The following PTPRT variants were observed in gnomAD, a reference collection of about 807,000 sequenced individuals.
PTPRT encodes receptor-type tyrosine-protein phosphatase T.
Under a neutral mutation model 176.8 loss-of-function variants are expected in PTPRT, and 56 were observed. The ratio of observed to expected loss-of-function variants is 0.32; its 90% CI spans 0.26 to 0.40. The LOEUF is 0.40. PTPRT is among the 10% of genes least tolerant of loss of function. PTPRT has a pLI of 1.00. For synonymous variants in PTPRT, 783 were observed against 739.0 expected, an observed-to-expected ratio of 1.06 and a Z score of -0.96; for missense variants, 1,540 against 1,908.2, an observed-to-expected ratio of 0.81 and a Z score of 3.60.
At chr20:42,617,107 C>A (rs1439470217) in intron 7 of PTPRT, among the ~76,000 whole-genome samples, 1 of 137,204 alleles carries the variant, frequency 7.3e-6, no homozygotes, top group East Asian at 2.0e-4. Context: ...TTTTGAAATA[C>A]CTCCCATCAA....
rs148500801 is a variant in PTPRT at position 42,495,288 on chromosome 20, T to C, written c.1154-22726A>G. ...TCTTAGGTCACTGGGTAAGCTGTGG[T>C]AGGTTCAGCACTTTAACTGGGCACC... is the stretch of plus-strand genomic sequence containing the variant. On this transcript the variant is annotated intron_variant, in intron 7 of 30. Transcript: ENST00000373187. 3.2e-4 allele frequency among the ~76,000 whole-genome samples: 49 copies of C among 152,302 alleles called. 2 individuals are homozygous for C. In the East Asian group the frequency reaches 9.1e-3, roughly 28 times the overall value.
chr20:42,983,927 T>C (rs1983418555), intron 1 of PTPRT, among the ~76,000 whole-genome samples: 1 of 152,188 alleles, frequency 6.6e-6, no homozygotes, highest in Non-Finnish European at 1.5e-5. Flanking sequence ...CAACACACAT[T>C]CTTCCAATCA....
At chr20:42,235,663 T>G (rs996839425) in intron 15 of PTPRT, among the ~76,000 whole-genome samples, 2 of 152,104 alleles carry the variant, frequency 1.3e-5, no homozygotes, top group African/African-American at 4.8e-5. Context: ...ACTGATAATA[T>G]GAGATAAATA....
chr20:42,714,588 G>GCCAAACTTTGGCACT (rs2076195371), intron 6 of PTPRT, among the ~76,000 whole-genome samples: 1 of 152,144 alleles, frequency 6.6e-6, no homozygotes, highest in Admixed American at 6.6e-5. Flanking sequence ...ACTTAACTTG[G>GCCAAACTTTGGCACT]TATCCTGCCA....
intron 7 of PTPRT, among the ~76,000 whole-genome samples, chr20:42,553,419 T>A (rs2145622180): frequency 6.6e-6 from 1 of 152,174 alleles, no homozygotes; most frequent in East Asian, 1.9e-4. Flanking sequence ...TACTGACCAT[T>A]TTTCTTTTCT....
intron 2 of PTPRT, among the ~76,000 whole-genome samples, chr20:42,800,289 C>T (rs2145581863): frequency 6.6e-6 from 1 of 152,230 alleles, no homozygotes; most frequent in African/African-American, 2.4e-5. Flanking sequence ...CACATGTGGG[C>T]ACGTTGTGTT....
chr20:42,429,009 C>T (rs1256159206), intron 9 of PTPRT, among the ~76,000 whole-genome samples: 1 of 152,094 alleles, frequency 6.6e-6, no homozygotes, highest in Non-Finnish European at 1.5e-5. Flanking sequence ...TTAATTTCAC[C>T]ATCATTTATT....
Position 42,072,871 on chromosome 20 carries a change from G to A in PTPRT, c.*8008C>T, listed in dbSNP as rs765586695. 4.5e-6 allele frequency: 1 copy of A among 220,802 alleles called. No homozygotes were observed. The highest frequency in any genetic ancestry group is 9.1e-6 in the Non-Finnish European group (1 of 110,162). The allele number at this position is 220,802 out of a possible 1,614,324, so 13.7% of individuals were successfully genotyped here. On this transcript the variant is annotated 3_prime_UTR_variant, in exon 31 of 31. Transcript: ENST00000373187. ...GAATAAATAAGATGGACTTGCAGGT[G>A]TAAAAAGATTACACTTCACTGTAAT... is the stretch of plus-strand genomic sequence containing the variant.
At chr20:42,507,624 G>T (rs1015351727) in intron 7 of PTPRT, among the ~76,000 whole-genome samples, 2 of 152,120 alleles carry the variant, frequency 1.3e-5, no homozygotes, top group Non-Finnish European at 2.9e-5. Flanking sequence ...ACAGCACAAT[G>T]CTTGGCCAGC....
intron 8 of PTPRT, among the ~76,000 whole-genome samples, chr20:42,467,528 T>C (rs62204866): frequency 6.6e-6 from 1 of 152,230 alleles, no homozygotes; most frequent in Non-Finnish European, 1.5e-5. Flanking sequence ...GTATATTACA[T>C]GATTTTAAAA....
In PTPRT at chr20:42,687,582, GTC is replaced by G. The variant is rs1255872929; in HGVS notation, c.860-9425_860-9424del. ...AGTCCTCAGAAAGCATGAATCAAGAGTCTGTCACCTCCAAAGGAGGGGCTAGG... is the reference window on the plus strand; with the variant it reads ...AGTCCTCAGAAAGCATGAATCAAGAGTGTCACCTCCAAAGGAGGGGCTAGG... On this transcript the variant is annotated intron_variant, in intron 6 of 30. Transcript: ENST00000373187. 4 of 152,310 alleles carry G rather than the reference GTC, an allele frequency of 2.6e-5. No individual in the cohort carries two copies. In the East Asian group the frequency reaches 7.7e-4, roughly 29 times the overall value. 9.4% of individuals were successfully genotyped at this position (152,310 alleles called of 1,614,324 possible). A position where few individuals can be genotyped will look rare whatever the true frequency, so the allele number is the denominator to read the frequency against.
At chr20:42,760,387 T>C in intron 5 of PTPRT, among the ~76,000 whole-genome samples, 1 of 144,846 alleles carries the variant, frequency 6.9e-6, no homozygotes, top group Non-Finnish European at 1.5e-5. Context: ...CTGCTTTTTT[T>C]TTTTTTTTTT....
chr20:42,360,679 G>A (rs1187332094), intron 9 of PTPRT, among the ~76,000 whole-genome samples: 1 of 152,154 alleles, frequency 6.6e-6, no homozygotes, highest in East Asian at 1.9e-4. Flanking sequence ...GCTGATTTCT[G>A]TTCTGCTAAG....
At chr20:42,544,387 T>A (rs1219775931) in intron 7 of PTPRT, among the ~76,000 whole-genome samples, 1 of 152,220 alleles carries the variant, frequency 6.6e-6, no homozygotes, top group Non-Finnish European at 1.5e-5. Flanking sequence ...AAAATTTTCT[T>A]CTGCTACTTC....
chr20:42,855,459 G>A (rs1396216185), intron 2 of PTPRT, among the ~76,000 whole-genome samples: 2 of 120,034 alleles, frequency 1.7e-5, no homozygotes, highest in Admixed American at 9.7e-5. Flanking sequence ...TTTGGAGACA[G>A]AGTCTCACTC....
At chr20:42,419,786 C>T (rs569670406) in intron 9 of PTPRT, among the ~76,000 whole-genome samples, 1 of 152,220 alleles carries the variant, frequency 6.6e-6, no homozygotes, top group Non-Finnish European at 1.5e-5. Context: ...GTTTTTGCAT[C>T]TATAATCAAG....
chr20:42,319,318 G>A (rs981634586), intron 11 of PTPRT, among the ~76,000 whole-genome samples: 1 of 150,246 alleles, frequency 6.7e-6, no homozygotes, highest in Non-Finnish European at 1.5e-5. Context: ...AACGTATAAA[G>A]GGGCTTCCAA....
intron 9 of PTPRT, among the ~76,000 whole-genome samples, chr20:42,401,843 T>C (rs890180000): frequency 1.3e-5 from 2 of 152,186 alleles, no homozygotes; most frequent in Non-Finnish European, 2.9e-5. Context: ...TTGAAACTGA[T>C]TGCCACAGTG....
At chr20:42,724,285 T>C (rs948612802) in intron 6 of PTPRT, among the ~76,000 whole-genome samples, 1 of 152,218 alleles carries the variant, frequency 6.6e-6, no homozygotes, top group African/African-American at 2.4e-5. Flanking sequence ...GTTTCAATTA[T>C]TCTGTTTGCT....
Sources: gnomAD v4.1 joint callset for allele counts (sites outside exome capture counted in the v4.1 genomes callset) on GRCh38, gnomAD v4.1.1 for gene constraint, MANE v1.5 for transcripts, NCBI Gene and HGNC (gene_info 2026-07-23, HGNC 2026-07-21) for gene names.